The following HERC3 variants were observed in gnomAD, a reference collection of about 807,000 sequenced individuals.
The protein encoded by HERC3 is probable E3 ubiquitin-protein ligase HERC3.
HERC3 carries 58 observed loss-of-function variants against 129.9 expected under a neutral mutation model. The observed-to-expected ratio is 0.45, with a 90% CI of 0.36 to 0.56. HERC3 has a LOEUF of 0.56. HERC3 is among the 20% of genes least tolerant of loss of function. The probability of loss-of-function intolerance (pLI) is 0.00; values close to 1 mark genes in which losing one functional copy is unlikely to be tolerated. For missense variants in HERC3, 835 were observed against 1,244.2 expected, an observed-to-expected ratio of 0.67 and a Z score of 4.95; for synonymous variants, 430 against 451.0, an observed-to-expected ratio of 0.95 and a Z score of 0.59.
the HERC3 span, among the ~76,000 whole-genome samples, chr4:88,561,201 AT>A: frequency 1.9e-5 from 2 of 106,612 alleles, no homozygotes. Context: ...ATTTTTAAGT[AT>A]TTTAAGTATT....
chr4:88,616,773 G>A (rs549645834), intron 3 of HERC3, among the ~76,000 whole-genome samples: 303 of 152,254 alleles, frequency 2.0e-3, no homozygotes, highest in Non-Finnish European at 3.7e-3. Context: ...TGAACAATGA[G>A]TAAAATTTAT....
intron 12 of HERC3, among the ~76,000 whole-genome samples, chr4:88,666,698 T>TA (rs1217705704): frequency 6.6e-6 from 1 of 152,202 alleles, no homozygotes. Flanking sequence ...AAGAGCAGGA[T>TA]ATATGAGATA....
chr4:88,629,533 A>G (rs1045898898), intron 3 of HERC3, among the ~76,000 whole-genome samples: 1 of 152,196 alleles, frequency 6.6e-6, no homozygotes, highest in African/African-American at 2.4e-5. Flanking sequence ...TGCAGTGTAC[A>G]TTATTTCTTT....
chr4:88,697,683 C>T (rs1264033075), intron 23 of HERC3: 17 of 1,611,450 alleles, frequency 1.1e-5, no homozygotes, highest in African/African-American at 2.7e-5. Context: ...CCATTACCTC[C>T]TCTGCCGCTG....
chr4:88,542,214 AAG>A, the HERC3 span, among the ~76,000 whole-genome samples: 972 of 152,332 alleles, frequency 6.4e-3, 10 homozygotes, highest in Middle Eastern at 0.027. Flanking sequence ...TAAAGAATAA[AAG>A]AGAGAAGAAT....
At chr4:88,592,962 C>A (rs1286524260) in intron 1 of HERC3, among the ~76,000 whole-genome samples, 1 of 152,156 alleles carries the variant, frequency 6.6e-6, no homozygotes, top group Non-Finnish European at 1.5e-5. Context: ...GAGGATAGTC[C>A]CTATGCTCGC....
At chr4:88,531,806 A>C in the HERC3 span, among the ~76,000 whole-genome samples, 1 of 152,182 alleles carries the variant, frequency 6.6e-6, no homozygotes, top group African/African-American at 2.4e-5. Context: ...CAGGATTTGC[A>C]TGGGTTAGAT....
chr4:88,600,450 A>G (rs530833004), intron 2 of HERC3, among the ~76,000 whole-genome samples: 18 of 152,346 alleles, frequency 1.2e-4, no homozygotes, highest in Non-Finnish European at 2.4e-4. Context: ...TATTTAATAT[A>G]TATTTCTTAC....
the HERC3 span, among the ~76,000 whole-genome samples, chr4:88,554,074 G>A: frequency 2.6e-5 from 4 of 152,190 alleles, no homozygotes; most frequent in Admixed American, 6.5e-5. Flanking sequence ...TCAGCTGGGC[G>A]TGGTGGCTCA....
intron 18 of HERC3, 89 bp downstream of exon 18, chr4:88,676,512 A>G: frequency 1.1e-6 from 1 of 917,346 alleles, no homozygotes; most frequent in Non-Finnish European, 1.7e-6. Context: ...AGGAGAAAAC[A>G]TATTTGGTTG....
chr4:88,643,035 ATTAG>A (rs1341180050), intron 3 of HERC3, among the ~76,000 whole-genome samples: 4 of 152,344 alleles, frequency 2.6e-5, no homozygotes, highest in South Asian at 2.1e-4. Flanking sequence ...TTAAAAAACT[ATTAG>A]TTAAATTTGT....
At chr4:88,613,148 G>A (rs1724535225) in intron 3 of HERC3, among the ~76,000 whole-genome samples, 1 of 152,158 alleles carries the variant, frequency 6.6e-6, no homozygotes, top group Admixed American at 6.5e-5. Context: ...GAATAGACAA[G>A]AACCGTGGTA....
chr4:88,654,778 TA>T (rs1381056590), intron 7 of HERC3, among the ~76,000 whole-genome samples: 1 of 152,046 alleles, frequency 6.6e-6, no homozygotes, highest in African/African-American at 2.4e-5. Context: ...ATACAGCTGT[TA>T]AAAAAACAGC....
intron 12 of HERC3, among the ~76,000 whole-genome samples, chr4:88,665,965 T>G (rs2149295266): frequency 6.6e-6 from 1 of 152,298 alleles, no homozygotes; most frequent in Middle Eastern, 3.4e-3. Flanking sequence ...CATTTTTGGT[T>G]GGTACAATGG....
intron 3 of HERC3, among the ~76,000 whole-genome samples, chr4:88,616,513 T>C (rs990831848): frequency 3.9e-5 from 6 of 152,182 alleles, no homozygotes; most frequent in African/African-American, 1.4e-4. Context: ...GCTGAAATCT[T>C]TGGGCAGTTA....
At chr4:88,667,624 A>C in intron 13 of HERC3, 136 bp downstream of exon 13, 1 of 646,548 alleles carries the variant, frequency 1.5e-6, no homozygotes. Flanking sequence ...TACTCTGGGA[A>C]TTAGACCTAC....
intron 4 of HERC3, among the ~76,000 whole-genome samples, chr4:88,650,831 A>T (rs952111968): frequency 2.0e-5 from 3 of 152,198 alleles, no homozygotes. Context: ...TATCACATAC[A>T]TTGCTGAGTA....
At chr4:88,692,011 G>A (rs1427207671) in intron 23 of HERC3, among the ~76,000 whole-genome samples, 1 of 152,164 alleles carries the variant, frequency 6.6e-6, no homozygotes, top group Non-Finnish European at 1.5e-5. Flanking sequence ...ATTTCATTTG[G>A]TTTTAAAATG....
At chr4:88,530,219 C>T in the HERC3 span, among the ~76,000 whole-genome samples, 1 of 151,404 alleles carries the variant, frequency 6.6e-6, no homozygotes. Context: ...GAACCAGGGA[C>T]GTGGAGGTTG....
Sources: gnomAD v4.1 joint callset for allele counts (sites outside exome capture counted in the v4.1 genomes callset) on GRCh38, gnomAD v4.1.1 for gene constraint, MANE v1.5 for transcripts, NCBI Gene and HGNC (gene_info 2026-07-23, HGNC 2026-07-21) for gene names.